The following AGBL1 variants were observed in gnomAD, a reference collection of about 807,000 sequenced individuals.
The protein encoded by AGBL1 is cytosolic carboxypeptidase 4.
Under a neutral mutation model 118.9 loss-of-function variants are expected in AGBL1, and 130 were observed. The ratio of observed to expected loss-of-function variants is 1.09; its 90% CI spans 0.95 to 1.26. AGBL1 has a LOEUF of 1.26. Among genes scored for constraint, AGBL1 ranks in the 50% most tolerant of loss-of-function variants. The probability of loss-of-function intolerance (pLI) is 0.00; values close to 1 mark genes in which losing one functional copy is unlikely to be tolerated. For missense variants in AGBL1, 1,584 were observed against 1,298.1 expected, an observed-to-expected ratio of 1.22 and a Z score of -3.38; for synonymous variants, 555 against 478.9, an observed-to-expected ratio of 1.16 and a Z score of -2.08.
At chr15:86,736,344 C>T (rs201982963) in intron 22 of AGBL1, among the ~76,000 whole-genome samples, 3 of 151,738 alleles carry the variant, frequency 2.0e-5, no homozygotes, top group African/African-American at 7.3e-5. Context: ...CGTGCCACTG[C>T]ACTCCAGCCT....
chr15:86,418,050 C>G (rs1465847691), intron 18 of AGBL1, among the ~76,000 whole-genome samples: 1 of 152,172 alleles, frequency 6.6e-6, no homozygotes, highest in Non-Finnish European at 1.5e-5. Flanking sequence ...CCAGTTTCAT[C>G]CAATTAGATT....
chr15:86,119,762 G>A (rs1394330277), intron 1 of AGBL1, among the ~76,000 whole-genome samples: 3 of 152,058 alleles, frequency 2.0e-5, no homozygotes, highest in Non-Finnish European at 2.9e-5. Context: ...CAGACTGCAA[G>A]TATCTCCTGG....
At chr15:86,629,197 T>C (rs2084930440) in intron 21 of AGBL1, among the ~76,000 whole-genome samples, 1 of 152,170 alleles carries the variant, frequency 6.6e-6, no homozygotes, top group Non-Finnish European at 1.5e-5. Flanking sequence ...AGTTCAACTT[T>C]TTTACATTCC....
At chr15:86,877,217 C>T (rs1034607864) in intron 22 of AGBL1, among the ~76,000 whole-genome samples, 1 of 152,168 alleles carries the variant, frequency 6.6e-6, no homozygotes, top group Admixed American at 6.5e-5. Flanking sequence ...CTTCTGCAGG[C>T]ATCCTGGCTG....
chr15:86,631,947 G>C (rs1189923459), intron 21 of AGBL1, among the ~76,000 whole-genome samples: 1 of 152,132 alleles, frequency 6.6e-6, no homozygotes, highest in East Asian at 1.9e-4. Context: ...CCAGCACTTT[G>C]AGAGGCCCGA....
intron 17 of AGBL1, among the ~76,000 whole-genome samples, chr15:86,346,108 G>T (rs1219129088): frequency 2.0e-5 from 3 of 151,276 alleles, no homozygotes; most frequent in Admixed American, 2.0e-4. Context: ...TCAGCCTCCC[G>T]AATAGCTGGG....
chr15:86,216,137 A>G (rs1437294501), intron 5 of AGBL1, among the ~76,000 whole-genome samples: 1 of 152,196 alleles, frequency 6.6e-6, no homozygotes, highest in African/African-American at 2.4e-5. Flanking sequence ...TATTAGTTTT[A>G]ATAGTTTTTA....
At chr15:86,742,628 G>A (rs75299125) in intron 22 of AGBL1, among the ~76,000 whole-genome samples, 5,515 of 152,154 alleles carry the variant, frequency 0.036, 241 homozygotes, top group African/African-American at 0.11. Flanking sequence ...GCCAGTCTCA[G>A]GGCTGTGGCT....
chr15:86,242,844 C>T (rs962855696), intron 6 of AGBL1, among the ~76,000 whole-genome samples: 3 of 152,206 alleles, frequency 2.0e-5, no homozygotes, highest in African/African-American at 7.2e-5. Context: ...GGACACCAAC[C>T]ACTTTTCCCC....
intron 17 of AGBL1, chr15:86,295,923 C>A (rs1021592): frequency 0.032 from 4,962 of 155,706 alleles, 271 homozygotes; most frequent in African/African-American, 0.11. Context: ...CATGCACACA[C>A]ACGCAGACAC....
intron 11 of AGBL1, among the ~76,000 whole-genome samples, chr15:86,265,746 G>A (rs1434795312): frequency 6.6e-6 from 1 of 152,138 alleles, no homozygotes; most frequent in African/African-American, 2.4e-5. Flanking sequence ...TTCCCTCTGA[G>A]TCCAGGCCTC....
chr15:86,425,757 T>G (rs1640992440), intron 18 of AGBL1, among the ~76,000 whole-genome samples: 1 of 152,172 alleles, frequency 6.6e-6, no homozygotes, highest in Admixed American at 6.5e-5. Flanking sequence ...CATGCTATAG[T>G]TTCTGATATC....
intron 23 of AGBL1, among the ~76,000 whole-genome samples, chr15:86,975,233 C>T (rs1179777987): frequency 6.6e-6 from 1 of 152,032 alleles, no homozygotes; most frequent in East Asian, 1.9e-4. Flanking sequence ...GTTTAATTGA[C>T]TCACTGTTCC....
intron 5 of AGBL1, among the ~76,000 whole-genome samples, chr15:86,201,594 G>A (rs1483147862): frequency 1.3e-5 from 2 of 152,172 alleles, no homozygotes; most frequent in African/African-American, 4.8e-5. Flanking sequence ...CACTGAGAAA[G>A]CTTAGTCAAG....
At chr15:86,692,757 C>G (rs893356580) in intron 22 of AGBL1, among the ~76,000 whole-genome samples, 2 of 152,216 alleles carry the variant, frequency 1.3e-5, no homozygotes, top group South Asian at 2.1e-4. Flanking sequence ...TCCCTCATCC[C>G]CCTCACACCA....
intron 21 of AGBL1, among the ~76,000 whole-genome samples, chr15:86,588,063 A>G (rs1164537613): frequency 6.6e-6 from 1 of 152,260 alleles, no homozygotes; most frequent in African/African-American, 2.4e-5. Flanking sequence ...TTCTAAATAT[A>G]AACTTATGTA....
chr15:86,112,381 A>G (rs1011464181), intron 1 of AGBL1, among the ~76,000 whole-genome samples: 1 of 152,226 alleles, frequency 6.6e-6, no homozygotes, highest in Non-Finnish European at 1.5e-5. Context: ...TGCTACACAT[A>G]CATTTTTGTG....
At chr15:86,246,912 G>T (rs1435297206) in intron 6 of AGBL1, among the ~76,000 whole-genome samples, 1 of 152,026 alleles carries the variant, frequency 6.6e-6, no homozygotes, top group African/African-American at 2.4e-5. Flanking sequence ...CGGGTCCACT[G>T]AAGTTCAGAT....
At chr15:86,591,197 G>T (rs2084329307) in intron 21 of AGBL1, among the ~76,000 whole-genome samples, 1 of 152,020 alleles carries the variant, frequency 6.6e-6, no homozygotes, top group Admixed American at 6.6e-5. Context: ...TACCTCTGAG[G>T]AGAAAAAATA....
Sources: allele counts gnomAD v4.1 joint callset (sites outside exome capture counted in the v4.1 genomes callset), GRCh38; gene constraint gnomAD v4.1.1; transcripts MANE v1.5; gene names NCBI Gene and HGNC (gene_info 2026-07-23, HGNC 2026-07-21).